The following TBC1D5 variants were observed in gnomAD, a reference collection of about 807,000 sequenced individuals.
The protein encoded by TBC1D5 is TBC1 domain family, member 5.
In TBC1D5, 75 loss-of-function variants were observed where a neutral mutation model predicts 100.3. The observed-to-expected ratio is 0.75, with a 90% CI of 0.62 to 0.91. The LOEUF (loss-of-function observed/expected upper bound fraction) is 0.91. TBC1D5 is among the 40% of genes least tolerant of loss of function. The probability of loss-of-function intolerance (pLI) is 0.00; values close to 1 mark genes in which losing one functional copy is unlikely to be tolerated. For missense variants in TBC1D5, 910 were observed against 942.4 expected (o/e 0.97, Z 0.45); for synonymous variants, 323 against 325.6 (o/e 0.99, Z 0.09).
chr3:17,400,372 A>G (rs923598562), intron 8 of TBC1D5, among the ~76,000 whole-genome samples: 1 of 152,176 alleles, frequency 6.6e-6, no homozygotes, highest in Non-Finnish European at 1.5e-5. Context: ...GATGTAAACT[A>G]AATTTATACA....
At chr3:17,708,353 T>C (rs1421923886) in intron 1 of TBC1D5, among the ~76,000 whole-genome samples, 1 of 152,204 alleles carries the variant, frequency 6.6e-6, no homozygotes, top group Non-Finnish European at 1.5e-5. Flanking sequence ...CACATTTTAT[T>C]TATCCATTCC....
rs554368255 is a variant in TBC1D5 at position 17,731,939 on chromosome 3, C to T, written c.-101+7404G>A. Among the ~76,000 whole-genome samples the T allele has an allele frequency of 1.1e-3, 160 of 152,176 alleles. 1 individual carries two copies. Among genetic ancestry groups the T allele is most frequent in the African/African-American group, 3.7e-3 (155 of 41,502 alleles). On this transcript the variant is annotated intron_variant, in intron 1 of 21. Coordinates refer to ENST00000253692, the Ensembl canonical transcript of TBC1D5. ...TTACTAAACTGAGTTTCCTGTGAGC[C>T]ATTAAGAAGTGGAGTTATCCAGTAG... is the stretch of plus-strand genomic sequence containing the variant.
chr3:17,668,550 A>C (rs530931598), intron 1 of TBC1D5, among the ~76,000 whole-genome samples: 1 of 152,222 alleles, frequency 6.6e-6, no homozygotes, highest in African/African-American at 2.4e-5. Context: ...TACTAATATA[A>C]TCTATTAATA....
chr3:17,203,688 A>G (rs1263086693), intron 18 of TBC1D5, among the ~76,000 whole-genome samples: 1 of 151,052 alleles, frequency 6.6e-6, no homozygotes, highest in East Asian at 1.9e-4. Flanking sequence ...AGTGTGTACC[A>G]CCTCCCCCTT....
At chr3:17,535,503 C>A (rs939468627) in intron 2 of TBC1D5, among the ~76,000 whole-genome samples, 4 of 152,012 alleles carry the variant, frequency 2.6e-5, no homozygotes, top group Non-Finnish European at 5.9e-5. Context: ...ATGTGTGCTG[C>A]GATAGTTAAG....
At chr3:17,721,356 C>A (rs964503900) in intron 1 of TBC1D5, among the ~76,000 whole-genome samples, 1 of 151,938 alleles carries the variant, frequency 6.6e-6, no homozygotes, top group African/African-American at 2.4e-5. Flanking sequence ...AGTTTATAAC[C>A]ATTTTTTTAA....
intron 2 of TBC1D5, among the ~76,000 whole-genome samples, chr3:17,566,808 G>T (rs73160964): frequency 0.051 from 7,738 of 151,698 alleles, 629 homozygotes; most frequent in African/African-American, 0.17. Context: ...AACTTAGAAG[G>T]CCTTTCTATT....
chr3:17,281,710 A>T (rs2080617780), intron 15 of TBC1D5, among the ~76,000 whole-genome samples: 1 of 152,234 alleles, frequency 6.6e-6, no homozygotes, highest in Non-Finnish European at 1.5e-5. Flanking sequence ...ATATATTTAA[A>T]TAAAGTAGCT....
chr3:17,335,038 A>G (rs1033840695), intron 13 of TBC1D5, among the ~76,000 whole-genome samples: 2 of 152,170 alleles, frequency 1.3e-5, no homozygotes, highest in Admixed American at 6.6e-5. Flanking sequence ...AATTTGGCCT[A>G]AGCCTTAAAA....
At chr3:17,713,281 A>G (rs2074927391) in intron 1 of TBC1D5, among the ~76,000 whole-genome samples, 1 of 146,022 alleles carries the variant, frequency 6.8e-6, no homozygotes, top group African/African-American at 2.5e-5. Flanking sequence ...TCGCTCTGTC[A>G]TCCAGGCTGG....
intron 16 of TBC1D5, among the ~76,000 whole-genome samples, chr3:17,254,760 C>CGGG (rs1349069413): frequency 1.4e-4 from 4 of 28,790 alleles, no homozygotes; most frequent in Non-Finnish European, 2.5e-4. Context: ...TTTACCGTGG[C>CGGG]GGGGGTGGGG....
At chr3:17,565,343 AT>A (rs2096586870) in intron 2 of TBC1D5, among the ~76,000 whole-genome samples, 1 of 152,184 alleles carries the variant, frequency 6.6e-6, no homozygotes, top group Admixed American at 6.5e-5. Flanking sequence ...AGTAAGACTA[AT>A]TCATCAATCA....
intron 16 of TBC1D5, among the ~76,000 whole-genome samples, chr3:17,240,298 A>AT (rs2076202587): frequency 1.3e-5 from 2 of 152,198 alleles, no homozygotes; most frequent in Non-Finnish European, 2.9e-5. Flanking sequence ...AGAAAGATCG[A>AT]TTCATTATAA....
chr3:17,551,365 G>A (rs1456733323), intron 2 of TBC1D5, among the ~76,000 whole-genome samples: 2 of 152,060 alleles, frequency 1.3e-5, no homozygotes, highest in Non-Finnish European at 2.9e-5. Flanking sequence ...ATGTCTGCTG[G>A]CTATTAAAAT....
chr3:17,558,819 A>T (rs972188472), intron 2 of TBC1D5, among the ~76,000 whole-genome samples: 1 of 152,234 alleles, frequency 6.6e-6, no homozygotes. Context: ...TATAATGTTC[A>T]TAAGTCAAGA....
At chr3:17,592,350 C>T (rs1006859708) in intron 2 of TBC1D5, among the ~76,000 whole-genome samples, 3 of 152,180 alleles carry the variant, frequency 2.0e-5, no homozygotes, top group Admixed American at 2.0e-4. Context: ...ATTGGTGAGA[C>T]ATTTGCGTGT....
At chr3:17,332,000 TG>T in intron 13 of TBC1D5, among the ~76,000 whole-genome samples, 1 of 152,304 alleles carries the variant, frequency 6.6e-6, no homozygotes, top group East Asian at 1.9e-4. Context: ...GGGATGCTCT[TG>T]GAGGGTTTGA....
chr3:17,434,734 T>C (rs1321369137), intron 3 of TBC1D5, among the ~76,000 whole-genome samples: 2 of 152,204 alleles, frequency 1.3e-5, no homozygotes, highest in East Asian at 3.9e-4. Flanking sequence ...GGAGACATTT[T>C]CCCCATTGTC....
chr3:17,414,933 A>T (rs2094026611), intron 4 of TBC1D5, among the ~76,000 whole-genome samples: 1 of 152,214 alleles, frequency 6.6e-6, no homozygotes, highest in Non-Finnish European at 1.5e-5. Flanking sequence ...TCATATGTCT[A>T]GGTGAAACAT....
Sources: gnomAD v4.1 joint callset for allele counts (sites outside exome capture counted in the v4.1 genomes callset) on GRCh38, gnomAD v4.1.1 for gene constraint, MANE v1.5 for transcripts, NCBI Gene and HGNC (gene_info 2026-07-23, HGNC 2026-07-21) for gene names.